PHF23: variants seen among roughly 807,000 people sequenced by gnomAD.
PHF23 encodes the protein PDH-containing protein JUNE-1.
PHF23 carries 3 observed loss-of-function variants against 36.0 expected under a neutral mutation model. The ratio of observed to expected loss-of-function variants is 0.08; its 90% confidence interval spans 0.04 to 0.22. The LOEUF (loss-of-function observed/expected upper bound fraction) is 0.22. Ranked by LOEUF, PHF23 falls within the 10% of genes least tolerant of loss-of-function variation. The pLI, the probability that PHF23 is intolerant of heterozygous loss-of-function variation, is 1.00. For missense variants in PHF23, 475 were observed against 513.6 expected, an observed-to-expected ratio of 0.92 and a Z score of 0.73; for synonymous variants, 242 against 192.5, an observed-to-expected ratio of 1.26 and a Z score of -2.13.
In PHF23 at chr17:7,236,403, G is replaced by A. The variant is rs768884214; in HGVS notation, c.524C>T (p.Ser175Phe). ...TCGGTCCTTCTTTCGAGGAGGATGG[G>A]AGAGGTCCCCCTGGGAAAGGGGCAC... ...TPVPLSQGDL[S>F]HPPRKKDRKN... Residue 175 changes from serine to phenylalanine, a missense_variant, in exon 4 of 5, where the codon TCC (serine) becomes TTC (phenylalanine). Transcript: ENST00000320316. This position sits in a 1 kb window ranked among gnomAD's most constrained non-coding sequence, Gnocchi z 5.1. 9.9e-6 allele frequency: 16 copies of A among 1,613,868 alleles called. No homozygotes were observed. The Middle Eastern group carries it at 6.6e-4, about 66-fold the overall frequency.
In PHF23 at chr17:7,236,860, C is replaced by T. The variant is rs1302111251; in HGVS notation, c.160-93G>A. 9 of 1,490,368 alleles carry T rather than the reference C, an allele frequency of 6.0e-6. No individual in the cohort carries two copies. The highest frequency in any genetic ancestry group is 8.0e-6 in the Non-Finnish European group (9 of 1,130,468). The allele number at this position is 1,490,368 out of a possible 1,614,324, so 92.3% of individuals were successfully genotyped here. On this transcript the variant is annotated intron_variant, in intron 3 of 4. Coordinates refer to ENST00000320316, the MANE Select transcript of PHF23 (RefSeq NM_024297.3). The surrounding 1 kb of genome is among the most constrained non-coding windows in gnomAD (Gnocchi z 5.1). Reference sequence around the variant, plus strand: ...CTTGAAAAGGAGTGACTGGATTTACCCCAAAATGTCCTACCTCAACCACTA... The same window carrying T: ...CTTGAAAAGGAGTGACTGGATTTACTCCAAAATGTCCTACCTCAACCACTA...
chr17:7,238,022 T>G, intron 1 of PHF23: 2 of 191,416 alleles, frequency 1.0e-5, no homozygotes, highest in Non-Finnish European at 1.9e-5. Flanking sequence ...GCCCCCGTCC[T>G]TCACACGCGC....
At chr17:7,237,891 C>T in intron 1 of PHF23, 1 of 561,236 alleles carries the variant, frequency 1.8e-6, no homozygotes, top group South Asian at 2.1e-5. Flanking sequence ...CTTCCCCCAA[C>T]CGGAGGCCCG....
chr17:7,237,748 C>T, intron 1 of PHF23, 88 bp from the exon 2 acceptor site: 1 of 1,468,082 alleles, frequency 6.8e-7, no homozygotes. Context: ...TAAGTGAACC[C>T]CCTGCTCTCC....
Position 7,236,159 on chromosome 17 carries a change from C to T in PHF23, c.768G>A (p.Glu256=), listed in dbSNP as rs774662107. 6.7e-5 allele frequency: 108 copies of T among 1,607,390 alleles called. 1 individual carries two copies. The highest frequency in any genetic ancestry group is 8.8e-5 in the Non-Finnish European group (104 of 1,176,694). ...CTGTTGCCATCTCTTCTTCTTCTTC[C>T]TCTTCCTCCTCTTCCTCCTCCTCTT... The part of the protein sequence containing the change: ...DSEEEEEEEE[E]EEEEEMATVV... The change falls in exon 4 of 5, where the codon GAG becomes GAA. Residue 256 remains glutamate (E), a synonymous_variant. Transcript: ENST00000320316. This position sits in a 1 kb window ranked among gnomAD's most constrained non-coding sequence, Gnocchi z 5.1.
intron 1 of PHF23, 65 bp downstream of exon 1, chr17:7,239,181 G>C: frequency 1.7e-6 from 2 of 1,206,992 alleles, no homozygotes; most frequent in Non-Finnish European, 2.4e-6. Context: ...CGACCTCCAA[G>C]TTTGCCAATT....
At position 7,236,522 on chromosome 17, in the gene PHF23, G is replaced by A; in HGVS notation, c.405C>T (p.Asp135=). 4 of 1,614,160 alleles carry A rather than the reference G, an allele frequency of 2.5e-6. No homozygotes were observed. Among genetic ancestry groups the A allele is most frequent in the Non-Finnish European group, 3.4e-6 (4 of 1,180,026 alleles). Residue 135 remains aspartate, a synonymous_variant, in exon 4 of 5, where the codon GAC becomes GAT. Transcript: ENST00000320316. This position sits in a 1 kb window ranked among gnomAD's most constrained non-coding sequence, Gnocchi z 5.1. ...TGGGCCCATCCAGATCAAAGAGAGA[G>A]TCCTTGAGCTTCATCTTCTCAAGCA... ...ATLLEKMKLK[D]SLFDLDGPKV...
In PHF23 at chr17:7,236,140, C is replaced by A; in HGVS notation, c.787G>T (p.Ala263Ser). The A allele has an allele frequency of 6.2e-7, 1 of 1,610,498 alleles. No homozygotes were observed. The highest frequency in any genetic ancestry group is 2.2e-5 in the East Asian group (1 of 44,872). ...GGGGCTTCACCCCCTACCACTGTTG[C>A]CATCTCTTCTTCTTCTTCCTCTTCC... ...EEEEEEEEEMATVVGGEAPVP... is the reference protein window; with the variant it reads ...EEEEEEEEEMSTVVGGEAPVP... The change falls in exon 4 of 5, where the codon GCA becomes TCA. Residue 263 changes from alanine to serine, a missense_variant. Ala to Ser is a moderately conservative substitution (Grantham distance 99). This residue lies in a region of PHF23 where 350 missense variants were observed against 319.8 expected (regional missense o/e 1.09). Transcript: ENST00000320316. The surrounding 1 kb of genome is among the most constrained non-coding windows in gnomAD (Gnocchi z 5.1).
rs776408756 is a variant in PHF23, at chr17:7,235,710, G to A, written c.1128C>T (p.Pro376=). The change falls in exon 5 of 5, where the codon CCC becomes CCT. Residue 376 remains proline (P), a synonymous_variant. Coordinates refer to ENST00000320316, the MANE Select transcript of PHF23 (RefSeq NM_024297.3). The part of the protein sequence containing the change: ...SCAKIKKTNV[P]DFFYCQKCKE... Reference sequence around the variant, plus strand: ...TGCATTTCTGGCAATAAAAGAAGTCGGGGACGTTGGTCTTCTTAATCTTAG... The same window carrying A: ...TGCATTTCTGGCAATAAAAGAAGTCAGGGACGTTGGTCTTCTTAATCTTAG... The A allele has an allele frequency of 7.4e-6, 12 of 1,614,098 alleles. No individual in the cohort carries two copies. Among genetic ancestry groups the A allele is most frequent in the Admixed American group, 3.3e-5 (2 of 60,022 alleles).
At chr17:7,237,575 CG>C in intron 2 of PHF23, 53 bp downstream of exon 2, 4 of 1,605,868 alleles carry the variant, frequency 2.5e-6, no homozygotes, top group South Asian at 2.2e-5. Flanking sequence ...AAAAGGGGGG[CG>C]GGGGGCGTTG....
At chr17:7,240,797 G>T (rs1249974564), upstream of PHF23, 2 of 1,175,332 alleles carry the variant, frequency 1.7e-6, no homozygotes, top group Non-Finnish European at 2.6e-6. Flanking sequence ...GTCAAGAAAG[G>T]GGGGCCACCT....
chr17:7,239,070 C>T, intron 1 of PHF23, 176 bp downstream of exon 1: 3 of 1,214,622 alleles, frequency 2.5e-6, no homozygotes, highest in Non-Finnish European at 2.2e-6. Context: ...AGCCCAGTTT[C>T]CCACTCCTCT....
chr17:7,239,605 C>T (rs1318157634), upstream of PHF23: 2 of 212,830 alleles, frequency 9.4e-6, no homozygotes, highest in African/African-American at 4.7e-5. Context: ...TGTAGTCCGT[C>T]CGGGAACAGC....
chr17:7,235,437 C>A lies in PHF23; in HGVS notation c.*189G>T. ...TCCCCAACCGTAATGGATTCAATTT[C>A]AAGTCCACAGAGTGGGGAGGAAGGA... is the stretch of plus-strand genomic sequence containing the variant. On this transcript the variant is annotated 3_prime_UTR_variant, in exon 5 of 5. Coordinates refer to ENST00000320316, the MANE Select transcript of PHF23 (RefSeq NM_024297.3). 1 of 626,658 alleles carries A rather than the reference C, an allele frequency of 1.6e-6. No homozygotes were observed. 38.8% of individuals were successfully genotyped at this position (626,658 alleles called of 1,614,324 possible). A position where few individuals can be genotyped will look rare whatever the true frequency, so the allele number is the denominator to read the frequency against.
intron 1 of PHF23, 123 bp from the exon 2 acceptor site, chr17:7,237,783 G>GC (rs1164524053): frequency 6.0e-6 from 7 of 1,162,036 alleles, no homozygotes; most frequent in Middle Eastern, 2.3e-4. Context: ...AGGCCAGCAG[G>GC]CCCCCAGCTG....
intron 1 of PHF23, 148 bp downstream of exon 1, chr17:7,239,098 A>G (rs1039704280): frequency 1.9e-6 from 2 of 1,039,386 alleles, no homozygotes; most frequent in African/African-American, 1.6e-5. Context: ...AGGTCTCTCA[A>G]CTCGTCGCTC....
At chr17:7,235,904 C>T in intron 4 of PHF23, 26 bp downstream of exon 4, 1 of 1,612,128 alleles carries the variant, frequency 6.2e-7, no homozygotes, top group Non-Finnish European at 8.5e-7. Flanking sequence ...ACCCTCAAAC[C>T]CCTCGCCCCA....
At position 7,237,457 on chromosome 17, in the gene PHF23, T is replaced by C. The variant is rs377263685; in HGVS notation, c.87A>G (p.Arg29=). The C allele has an allele frequency of 3.2e-5, 52 of 1,613,876 alleles. No individual in the cohort carries two copies. The highest frequency in any genetic ancestry group is 4.2e-5 in the Non-Finnish European group (50 of 1,179,976). Reference sequence around the variant, plus strand: ...AGAATTTGTTGAAATCCTCAATTGTTCTCCGCCGTTTCTCTGGTGGCTGAA... The same window carrying C: ...AGAATTTGTTGAAATCCTCAATTGTCCTCCGCCGTTTCTCTGGTGGCTGAA... ...PETQPPEKRR[R]TIEDFNKFCS... The change falls in exon 3 of 5, where the codon AGA becomes AGG. Residue 29 remains arginine (R), a synonymous_variant. Transcript: ENST00000320316.
At chr17:7,239,893 T>C (rs1424136083), upstream of PHF23, 4 of 152,294 alleles carry the variant, frequency 2.6e-5, no homozygotes, top group African/African-American at 9.7e-5. Flanking sequence ...GCCGGAGAAA[T>C]GATTGCTGGG....
Sources: allele counts gnomAD v4.1 joint callset, GRCh38; gene constraint gnomAD v4.1.1; regional missense constraint gnomAD v4.1.1; non-coding constraint Gnocchi (gnomAD v3.1); transcripts MANE v1.5; gene names NCBI Gene and HGNC (gene_info 2026-07-23, HGNC 2026-07-21).